The following PIP4P2 variants were observed in gnomAD, a reference collection of about 807,000 sequenced individuals.
PIP4P2 encodes type 2 phosphatidylinositol 4,5-bisphosphate 4-phosphatase.
A neutral mutation model predicts 33.3 loss-of-function variants in PIP4P2; 19 were observed. The observed-to-expected ratio is 0.57, with a 90% confidence interval of 0.40 to 0.84. PIP4P2 has a LOEUF of 0.84. Ranked by LOEUF, PIP4P2 falls within the 40% of genes least tolerant of loss-of-function variation. The probability of loss-of-function intolerance (pLI) is 0.00; values close to 1 mark genes in which losing one functional copy is unlikely to be tolerated. For synonymous variants in PIP4P2, 110 were observed against 111.9 expected (o/e 0.98, Z 0.11); for missense variants, 270 against 324.7 (o/e 0.83, Z 1.29).
At chr8:91,022,281 C>T (rs1244628654) in intron 1 of PIP4P2, among the ~76,000 whole-genome samples, 1 of 152,118 alleles carries the variant, frequency 6.6e-6, no homozygotes, top group Non-Finnish European at 1.5e-5. Flanking sequence ...AAGACACACA[C>T]ACAGTGTTTT....
intron 4 of PIP4P2, 80 bp downstream of exon 4, chr8:91,018,310 T>G: frequency 6.3e-7 from 1 of 1,581,100 alleles, no homozygotes. Flanking sequence ...TGGACAAAAC[T>G]ATAAGACTAT....
At chr8:91,016,418 T>A (rs1811915101) in intron 4 of PIP4P2, among the ~76,000 whole-genome samples, 1 of 149,996 alleles carries the variant, frequency 6.7e-6, no homozygotes, top group African/African-American at 2.5e-5. Flanking sequence ...CTGAAGAAAA[T>A]GAAAGAGGAA....
chr8:91,026,746 T>C (rs543945201), intron 1 of PIP4P2, among the ~76,000 whole-genome samples: 2 of 152,280 alleles, frequency 1.3e-5, no homozygotes, highest in East Asian at 3.9e-4. Context: ...TCCTCAAAGA[T>C]GGAATTGGAG....
At chr8:91,014,262 TG>T (rs1811881407) in intron 4 of PIP4P2, among the ~76,000 whole-genome samples, 1 of 152,148 alleles carries the variant, frequency 6.6e-6, no homozygotes, top group African/African-American at 2.4e-5. Flanking sequence ...AGGTGGAGGC[TG>T]GGGTAAGGAT....
intron 5 of PIP4P2, 52 bp downstream of exon 5, chr8:91,008,691 C>A (rs370480930): frequency 2.0e-4 from 308 of 1,553,418 alleles, no homozygotes; most frequent in Non-Finnish European, 2.3e-4. Flanking sequence ...CTGAACTCTT[C>A]AAATTTGTCT....
chr8:91,029,179 G>A (rs1319427462), intron 1 of PIP4P2, among the ~76,000 whole-genome samples: 6 of 151,740 alleles, frequency 4.0e-5, no homozygotes, highest in African/African-American at 1.2e-4. Flanking sequence ...CAATCCTAGC[G>A]ACTCGGGAGG....
chr8:91,039,676 C>A (rs1300236773), intron 1 of PIP4P2, among the ~76,000 whole-genome samples: 1 of 152,158 alleles, frequency 6.6e-6, no homozygotes, highest in Non-Finnish European at 1.5e-5. Flanking sequence ...TTGCAAGTGC[C>A]ATTTTGACCA....
chr8:91,040,241 A>C (rs1812285476), intron 1 of PIP4P2, among the ~76,000 whole-genome samples: 1 of 152,212 alleles, frequency 6.6e-6, no homozygotes, highest in African/African-American at 2.4e-5. Flanking sequence ...GTTTCTCAGC[A>C]ACGGAAAAAG....
chr8:91,018,800 G>A lies in PIP4P2; in HGVS notation c.363-287C>T, dbSNP rs912887577. ...TTTTGTAAGTTCAAATCAGAAAACA[G>A]TTGTTACCCTTCCTTATCTAGGAAG... On this transcript the variant is annotated intron_variant, in intron 3 of 6. Transcript: ENST00000285419. 6 of 312,752 alleles carry A rather than the reference G, an allele frequency of 1.9e-5. 1 individual carries two copies. The highest frequency in any genetic ancestry group is 3.6e-5 in the Non-Finnish European group (6 of 165,472). The allele number at this position is 312,752 out of a possible 1,614,324, so 19.4% of individuals were successfully genotyped here.
At chr8:91,023,268 A>G (rs1255086944) in intron 1 of PIP4P2, among the ~76,000 whole-genome samples, 1 of 151,754 alleles carries the variant, frequency 6.6e-6, no homozygotes, top group Non-Finnish European at 1.5e-5. Flanking sequence ...TGAGTTGTAC[A>G]GTAACATTAC....
rs570433590 is a variant in PIP4P2 at position 91,040,844 on chromosome 8, C to T, written c.-95G>A. ...CTGCTGCCTCTGCTGCCGCTGCTGC[C>T]GCTGCAGCTGCTGCTGCTGCCGCCT... On this transcript the variant is annotated 5_prime_UTR_variant, in exon 1 of 7. Transcript: ENST00000285419. 1 of 1,116,560 alleles carries T rather than the reference C, an allele frequency of 9.0e-7. No individual in the cohort carries two copies. Among genetic ancestry groups the T allele is most frequent in the Non-Finnish European group, 1.3e-6 (1 of 784,612 alleles). The allele number at this position is 1,116,560 out of a possible 1,614,324, so 69.2% of individuals were successfully genotyped here.
At chr8:91,039,820 G>A (rs1463469502) in intron 1 of PIP4P2, among the ~76,000 whole-genome samples, 14 of 152,050 alleles carry the variant, frequency 9.2e-5, no homozygotes, top group South Asian at 4.2e-4. Context: ...TAAATAAATC[G>A]AATAGTATGG....
intron 1 of PIP4P2, among the ~76,000 whole-genome samples, chr8:91,026,494 T>C (rs1295972768): frequency 6.6e-6 from 1 of 152,150 alleles, no homozygotes; most frequent in East Asian, 1.9e-4. Context: ...ACCCCTCCTC[T>C]AAGTTACTAG....
chr8:91,009,726 T>C (rs890020748), intron 4 of PIP4P2, among the ~76,000 whole-genome samples: 1 of 151,936 alleles, frequency 6.6e-6, no homozygotes, highest in Admixed American at 6.6e-5. Flanking sequence ...TTCCACACAA[T>C]AGAAGATACC....
intron 5 of PIP4P2, among the ~76,000 whole-genome samples, chr8:91,002,573 A>C (rs1396709929): frequency 6.6e-6 from 1 of 152,208 alleles, no homozygotes; most frequent in Admixed American, 6.5e-5. Flanking sequence ...TTATTACACA[A>C]GACTTAAGGA....
rs1292772451 is a variant in PIP4P2, at chr8:90,993,846, T to G, written c.*1831A>C. The G allele has an allele frequency of 1.3e-5, 2 of 152,224 alleles. No individual in the cohort carries two copies. The highest frequency in any genetic ancestry group is 4.8e-5 in the African/African-American group (2 of 41,462). 9.4% of individuals were successfully genotyped at this position (152,224 alleles called of 1,614,324 possible). A position where few individuals can be genotyped will look rare whatever the true frequency, so the allele number is the denominator to read the frequency against. ...CAACCATTTATTCATTCATGCATAT[T>G]CATTCACGTAAATTGAGCACATGTA... On this transcript the variant is annotated 3_prime_UTR_variant, in exon 7 of 7. Transcript: ENST00000285419.
intron 5 of PIP4P2, among the ~76,000 whole-genome samples, chr8:91,008,121 T>G (rs1452891874): frequency 6.6e-6 from 1 of 152,176 alleles, no homozygotes; most frequent in African/African-American, 2.4e-5. Flanking sequence ...ATATATTAAT[T>G]TCTATGAGTC....
chr8:91,000,077 A>C (rs1050591296), intron 5 of PIP4P2, among the ~76,000 whole-genome samples: 7 of 151,990 alleles, frequency 4.6e-5, no homozygotes, highest in Non-Finnish European at 8.8e-5. Context: ...AGTTGCACTT[A>C]AAATTTTAAC....
chr8:91,029,962 G>A lies in PIP4P2; in HGVS notation c.107-8558C>T, dbSNP rs528872871. ...AGCCTGGGCGACAGAGCGAGACTCC[G>A]TCTCAAAAAAACAAAAACAAAAACA... On this transcript the variant is annotated intron_variant, in intron 1 of 6. Transcript: ENST00000285419. Among the ~76,000 whole-genome samples the A allele has an allele frequency of 3.3e-3, 496 of 151,244 alleles. 3 individuals are homozygous for A. Among genetic ancestry groups the A allele is most frequent in the Admixed American group, 6.5e-3 (99 of 15,208 alleles).
Sources: allele counts gnomAD v4.1 joint callset (sites outside exome capture counted in the v4.1 genomes callset), GRCh38; gene constraint gnomAD v4.1.1; transcripts MANE v1.5; gene names NCBI Gene and HGNC (gene_info 2026-07-23, HGNC 2026-07-21).